ITPR1: variants seen among roughly 807,000 people sequenced by gnomAD.
The protein encoded by ITPR1 is inositol 1,4,5-trisphosphate-gated calcium channel ITPR1.
ITPR1 carries 96 observed loss-of-function variants against 318.4 expected under a neutral mutation model. The ratio of observed to expected loss-of-function variants is 0.30; its 90% CI spans 0.26 to 0.36. The LOEUF (loss-of-function observed/expected upper bound fraction) is 0.36. Ranked by LOEUF, ITPR1 falls within the 10% of genes least tolerant of loss-of-function variation. The pLI is 1.00. For missense variants in ITPR1, 2,440 were observed against 3,460.2 expected (o/e 0.71, Z 7.40); for synonymous variants, 1,312 against 1,289.9 (o/e 1.02, Z -0.37).
chr3:4,562,613 T>G (rs9832410), intron 4 of ITPR1, among the ~76,000 whole-genome samples: 1 of 151,858 alleles, frequency 6.6e-6, no homozygotes, highest in Non-Finnish European at 1.5e-5. Flanking sequence ...CAACCCTGTA[T>G]GTTGAGATTT....
rs975643706 is a variant in ITPR1, at chr3:4,779,407, G to A, written c.6292-143G>A. The A allele has an allele frequency of 1.7e-4, 103 of 600,528 alleles. 1 individual carries two copies. The South Asian group carries it at 1.9e-3, about 11-fold the overall frequency. The allele number at this position is 600,528 out of a possible 1,614,324, so 37.2% of individuals were successfully genotyped here. ...CTGCCTGGTGCAGATGGATTTTGAT[G>A]TCCTTAACCCAGAGCTTCCTCATGG... On this transcript the variant is annotated intron_variant, in intron 48 of 61. Coordinates refer to ENST00000649015, the MANE Select transcript of ITPR1 (RefSeq NM_001378452.1). This position sits in a 1 kb window ranked among gnomAD's most constrained non-coding sequence, Gnocchi z 4.0.
chr3:4,561,725 TA>T (rs778075544), intron 4 of ITPR1, among the ~76,000 whole-genome samples: 157 of 152,332 alleles, frequency 1.0e-3, no homozygotes, highest in Middle Eastern at 3.4e-3. Flanking sequence ...ATTCATGGTT[TA>T]GCCTGAATGA....
In ITPR1 at chr3:4,521,173, G is replaced by A. The variant is rs1258997118; in HGVS notation, c.163+79G>A. The A allele has an allele frequency of 6.8e-6, 6 of 885,594 alleles. No individual in the cohort carries two copies. The Admixed American group carries it at 1.1e-4, about 17-fold the overall frequency. 54.9% of individuals were successfully genotyped at this position (885,594 alleles called of 1,614,324 possible). A position where few individuals can be genotyped will look rare whatever the true frequency, so the allele number is the denominator to read the frequency against. The stretch of plus-strand genomic sequence containing the variant: ...AAGTGTGTTGTTGGTGTGTGTGTGT[G>A]TTTATAAGCAAAATAGGCTTATTTA... On this transcript the variant is annotated intron_variant, in intron 4 of 61. Transcript: ENST00000649015.
chr3:4,833,195 C>T (rs2050641212), intron 60 of ITPR1, among the ~76,000 whole-genome samples: 1 of 152,214 alleles, frequency 6.6e-6, no homozygotes, highest in Non-Finnish European at 1.5e-5. Flanking sequence ...CTTCTGAAAT[C>T]ATTGCCTAGA....
At chr3:4,822,771 G>T (rs1454677803) in intron 60 of ITPR1, among the ~76,000 whole-genome samples, 1 of 152,156 alleles carries the variant, frequency 6.6e-6, no homozygotes, top group East Asian at 1.9e-4. Context: ...GTAACTCACA[G>T]CGCCGCTCAT....
chr3:4,633,008 A>T (rs1238415157), intron 5 of ITPR1, among the ~76,000 whole-genome samples: 1 of 128,886 alleles, frequency 7.8e-6, no homozygotes, highest in African/African-American at 3.1e-5. Flanking sequence ...GCACGATCTC[A>T]GCTCACTGCA....
At chr3:4,586,896 T>C (rs535949544) in intron 4 of ITPR1, among the ~76,000 whole-genome samples, 1 of 152,234 alleles carries the variant, frequency 6.6e-6, no homozygotes, top group East Asian at 1.9e-4. Flanking sequence ...TGTTACCTTA[T>C]TGTGGTTTTC....
At chr3:4,760,602 A>G (rs1050089117) in intron 44 of ITPR1, among the ~76,000 whole-genome samples, 1 of 152,230 alleles carries the variant, frequency 6.6e-6, no homozygotes, top group Admixed American at 6.5e-5. Flanking sequence ...TAAGTTCAAC[A>G]TGAGTCTTAC....
Position 4,609,161 on chromosome 3 carries a change from G to A in ITPR1, c.164-18602G>A, listed in dbSNP as rs186638816. On this transcript the variant is annotated intron_variant, in intron 4 of 61. Coordinates refer to ENST00000649015, the MANE Select transcript of ITPR1 (RefSeq NM_001378452.1). ...TCTAATCACCATTTTGGAGGGGTGG[G>A]GTCATTCTTGAGGTGCCATCCTTGA... 9.4e-3 allele frequency among the ~76,000 whole-genome samples: 1,367 copies of A among 145,340 alleles called. 15 individuals are homozygous for A. Among genetic ancestry groups the A allele is most frequent in the Non-Finnish European group, 0.014 (916 of 66,540 alleles).
intron 22 of ITPR1, 64 bp downstream of exon 22, chr3:4,674,407 C>A: frequency 2.9e-6 from 4 of 1,371,224 alleles, no homozygotes; most frequent in Non-Finnish European, 3.0e-6. Context: ...TTCTATGGGG[C>A]AAATAGAAAA....
intron 4 of ITPR1, among the ~76,000 whole-genome samples, chr3:4,588,978 G>A (rs2125064247): frequency 6.6e-6 from 1 of 152,198 alleles, no homozygotes; most frequent in East Asian, 1.9e-4. Context: ...AACCGTCATT[G>A]TGCTACCCAG....
chr3:4,825,011 C>T (rs1012366070), intron 60 of ITPR1, among the ~76,000 whole-genome samples: 4 of 152,154 alleles, frequency 2.6e-5, no homozygotes, highest in East Asian at 1.9e-4. Context: ...AGGAGAAGGA[C>T]GATTCACTAC....
chr3:4,838,106 C>A (rs750927876), intron 61 of ITPR1, among the ~76,000 whole-genome samples: 2 of 152,090 alleles, frequency 1.3e-5, no homozygotes, highest in Non-Finnish European at 2.9e-5. Context: ...ATTAATATTT[C>A]TTTTCAAACT....
At chr3:4,626,769 C>G (rs1446520810) in intron 4 of ITPR1, among the ~76,000 whole-genome samples, 1 of 152,166 alleles carries the variant, frequency 6.6e-6, no homozygotes. Flanking sequence ...ATCTTGCACA[C>G]AGTACTCAAG....
chr3:4,679,076 C>G lies in ITPR1; in HGVS notation c.2968-1477C>G, dbSNP rs76844532. 2.8e-3 allele frequency among the ~76,000 whole-genome samples: 428 copies of G among 152,130 alleles called. 1 individual carries two copies. The highest frequency in any genetic ancestry group is 9.9e-3 in the African/African-American group (412 of 41,506). ...TAATGAGGCCTTGAGCAGGGAGAAA[C>G]GGCAGTAGGGGAGAACTCTATGAGA... On this transcript the variant is annotated intron_variant, in intron 24 of 61. Transcript: ENST00000649015.
chr3:4,768,711 C>T lies in ITPR1; in HGVS notation c.5926C>T (p.Pro1976Ser). The T allele has an allele frequency of 6.2e-7, 1 of 1,613,708 alleles. No homozygotes were observed. The highest frequency in any genetic ancestry group is 8.5e-7 in the Non-Finnish European group (1 of 1,179,808). The change falls in exon 46 of 62, where the codon CCC (proline) becomes TCC (serine). Residue 1976 changes from proline to serine, a missense_variant. Physicochemically the swap from Pro to Ser is moderately conservative, Grantham distance 74. Transcript: ENST00000649015. ...GAGCGCGGTCATCACCATCATGCAG[C>T]CCATCCTCCGCTTCCTTCAGCTCCT... is the stretch of plus-strand genomic sequence containing the variant. ...EMSAVITIMQ[P>S]ILRFLQLLCE...
rs770088339 is a variant in ITPR1, at chr3:4,642,245, A to G, written c.519A>G (p.Gly173=). 1.1e-5 allele frequency: 17 copies of G among 1,564,124 alleles called. No individual in the cohort carries two copies. Among genetic ancestry groups the G allele is most frequent in the Non-Finnish European group, 1.3e-5 (15 of 1,157,394 alleles). Residue 173 remains glycine (G), a synonymous_variant, in exon 7 of 62, where the codon GGA becomes GGG. Transcript: ENST00000649015. ...IQPFYKLRSI[G]DSVVIGDKVV... The stretch of plus-strand genomic sequence containing the variant: ...CATTCTACAAGCTGCGATCCATTGG[A>G]GACAGCGTAAGTGCGGATTCTCCAC...
intron 4 of ITPR1, among the ~76,000 whole-genome samples, chr3:4,606,549 A>G (rs2091716700): frequency 6.6e-6 from 1 of 152,074 alleles, no homozygotes; most frequent in Admixed American, 6.5e-5. Context: ...GGACTTTGGT[A>G]TGTAAAGGGC....
At chr3:4,706,817 T>C (rs1463119177) in intron 37 of ITPR1, among the ~76,000 whole-genome samples, 1 of 152,220 alleles carries the variant, frequency 6.6e-6, no homozygotes, top group Admixed American at 6.5e-5. Flanking sequence ...CCTTTTTTCG[T>C]AGAATCTACC....
Sources: gnomAD v4.1 joint callset for allele counts (sites outside exome capture counted in the v4.1 genomes callset) on GRCh38, gnomAD v4.1.1 for gene constraint, Gnocchi (gnomAD v3.1) non-coding constraint, MANE v1.5 for transcripts, NCBI Gene and HGNC (gene_info 2026-07-23, HGNC 2026-07-21) for gene names.